Variants in DCST1 observed in about 807,000 individuals in gnomAD.
The protein encoded by DCST1 is DC-STAMP domain containing 1.
Under a neutral mutation model 89.1 loss-of-function variants are expected in DCST1, and 78 were observed. The observed-to-expected ratio is 0.88, with a 90% CI of 0.73 to 1.06. The LOEUF (loss-of-function observed/expected upper bound fraction) is 1.06. Ranked by LOEUF, DCST1 falls within the 50% of genes least tolerant of loss-of-function variation. The pLI, the probability that DCST1 is intolerant of heterozygous loss-of-function variation, is 0.00. For missense variants in DCST1, 900 were observed against 928.6 expected, an observed-to-expected ratio of 0.97 and a Z score of 0.40; for synonymous variants, 364 against 371.9, an observed-to-expected ratio of 0.98 and a Z score of 0.24.
At chr1:155,050,160 G>A (rs1660850544) in intron 16 of DCST1, among the ~76,000 whole-genome samples, 2 of 152,244 alleles carry the variant, frequency 1.3e-5, no homozygotes, top group South Asian at 4.1e-4. Flanking sequence ...GAGACATGTC[G>A]TGAGGGATGG....
chr1:155,047,296 G>A lies in DCST1; in HGVS notation c.1596G>A (p.Met532Ile), dbSNP rs1660682456. The A allele has an allele frequency of 6.2e-7, 1 of 1,613,422 alleles. No individual in the cohort carries two copies. Among genetic ancestry groups the A allele is most frequent in the South Asian group, 1.1e-5 (1 of 91,072 alleles). ...GALNTSSETV[M>I]ESNNMPCLPQ... is the part of the protein sequence containing the mutation. ...TGAACACCTCCTCAGAGACAGTGAT[G>A]GAATCAAACAACATGCGTGAGTGAT... The change falls in exon 14 of 17, where the codon ATG becomes ATA. Residue 532 changes from methionine to isoleucine, a missense_variant. Transcript: ENST00000295542.
chr1:155,050,535 G>A (rs1660886911), intron 16 of DCST1, 82 bp from the exon 17 acceptor site: 2 of 1,453,680 alleles, frequency 1.4e-6, no homozygotes, highest in Non-Finnish European at 1.8e-6. Context: ...CAGGCCTGGC[G>A]ACTTCAGACA....
intron 10 of DCST1, 85 bp from the exon 11 acceptor site, chr1:155,045,808 G>T: frequency 8.5e-7 from 1 of 1,172,810 alleles, no homozygotes; most frequent in South Asian, 1.3e-5. Flanking sequence ...TTGGTTGAAT[G>T]ACTGTGCCTC....
rs533405952 is a variant in DCST1, at chr1:155,037,782, A to G, written c.263-1621A>G. Among the ~76,000 whole-genome samples, 12 of 152,282 alleles carry G rather than the reference A, an allele frequency of 7.9e-5. No homozygotes were observed. In the South Asian group the frequency reaches 2.5e-3, roughly 32 times the overall value. On this transcript the variant is annotated intron_variant, in intron 4 of 16. Coordinates refer to ENST00000295542, the MANE Select transcript of DCST1 (RefSeq NM_152494.4). ...ATAGATGGGGTGGGATAGAGGAGTG[A>G]GAGTCAAGTTTTGCTGTTTTGGTGA...
Position 155,043,396 on chromosome 1 carries a change from G to A in DCST1, c.1059G>A (p.Glu353=). 6.2e-7 allele frequency: 1 copy of A among 1,614,054 alleles called. No individual in the cohort carries two copies. The highest frequency in any genetic ancestry group is 8.5e-7 in the Non-Finnish European group (1 of 1,179,970). The change falls in exon 10 of 17, where the codon GAG becomes GAA. Residue 353 remains glutamate, a synonymous_variant. Transcript: ENST00000295542. ...AGVLGLNTSW[E]RVSTEVRDYV... is the part of the protein sequence containing the mutation. The stretch of plus-strand genomic sequence containing the variant: ...TGCTGGGGCTCAACACAAGCTGGGA[G>A]CGCGTGAGCACCGAGGTGCGGGACT...
At position 155,048,167 on chromosome 1, in the gene DCST1, T is replaced by C; in HGVS notation, c.1866T>C (p.Ala622=). 6.2e-7 allele frequency: 1 copy of C among 1,613,422 alleles called. No homozygotes were observed. The highest frequency in any genetic ancestry group is 8.5e-7 in the Non-Finnish European group (1 of 1,179,776). The change falls in exon 16 of 17, where the codon GCT becomes GCC. Residue 622 remains alanine, a synonymous_variant. Coordinates refer to ENST00000295542, the MANE Select transcript of DCST1 (RefSeq NM_152494.4). ...AILRRERQQK[A]PRHPLADILH... ...TGAGGCGGGAGCGACAGCAGAAGGC[T>C]CCGGTAAGTCCAGGCGTAAGTGCTG... is the stretch of plus-strand genomic sequence containing the variant.
In DCST1 at chr1:155,048,080, C is replaced by A; in HGVS notation, c.1779C>A (p.Phe593Leu). Residue 593 changes from phenylalanine to leucine, a missense_variant, in exon 16 of 17, where the codon TTC (phenylalanine) becomes TTA (leucine). Phe to Leu is a conservative substitution (Grantham distance 22). Coordinates refer to ENST00000295542, the MANE Select transcript of DCST1 (RefSeq NM_152494.4). ...AGCGAGAGAAGAAGCGGATCCTGTTCCTCTACAATGACCTATTGAAGAAAA... is the reference window on the plus strand; with the variant it reads ...AGCGAGAGAAGAAGCGGATCCTGTTACTCTACAATGACCTATTGAAGAAAA... The part of the protein sequence containing the change: ...FPKREKKRIL[F>L]LYNDLLKKRA... 1 of 1,613,974 alleles carries A rather than the reference C, an allele frequency of 6.2e-7. No individual in the cohort carries two copies. The highest frequency in any genetic ancestry group is 1.6e-4 in the Middle Eastern group (1 of 6,062).
At chr1:155,046,591 C>G (rs1446560226) in intron 13 of DCST1, 105 bp downstream of exon 13, 18 of 868,066 alleles carry the variant, frequency 2.1e-5, no homozygotes, top group Non-Finnish European at 2.8e-5. Flanking sequence ...GTGCCTCGTC[C>G]TTCTGCCTCT....
At chr1:155,048,297 C>A in intron 16 of DCST1, 127 bp downstream of exon 16, 1 of 748,640 alleles carries the variant, frequency 1.3e-6, no homozygotes, top group Non-Finnish European at 2.2e-6. Context: ...CTGGTAAGTT[C>A]TTTTTATTTT....
chr1:155,044,564 C>G (rs539431034), intron 10 of DCST1, among the ~76,000 whole-genome samples: 1 of 150,444 alleles, frequency 6.6e-6, no homozygotes, highest in Non-Finnish European at 1.5e-5. Flanking sequence ...AAGGGCCATT[C>G]TATGGATTGG....
chr1:155,050,121 G>A (rs924251054), intron 16 of DCST1, among the ~76,000 whole-genome samples: 1 of 152,240 alleles, frequency 6.6e-6, no homozygotes, highest in Non-Finnish European at 1.5e-5. Flanking sequence ...GGGTAAGGTG[G>A]CCTGTGGAAA....
At chr1:155,037,055 G>A (rs938491194) in intron 4 of DCST1, among the ~76,000 whole-genome samples, 1 of 151,420 alleles carries the variant, frequency 6.6e-6, no homozygotes, top group African/African-American at 2.4e-5. Flanking sequence ...AGCCACCAAC[G>A]CCCCATCAAA....
rs369584482 is a variant in DCST1 at position 155,050,704 on chromosome 1, G to A, written c.1957G>A (p.Glu653Lys). The change falls in exon 17 of 17, where the codon GAG (glutamate) becomes AAG (lysine). Residue 653 changes from glutamate (E) to lysine (K), a missense_variant. Glu to Lys is a moderately conservative substitution (Grantham distance 56, BLOSUM62 1). Transcript: ENST00000295542. ...CRRCVVCQAP[E>K]TPESYVCRTL... ...GCGCTGCGTGGTGTGCCAGGCACCCGAGACGCCCGAGTCCTACGTGTGCCG... is the reference window on the plus strand; with the variant it reads ...GCGCTGCGTGGTGTGCCAGGCACCCAAGACGCCCGAGTCCTACGTGTGCCG... 132 of 1,607,090 alleles carry A rather than the reference G, an allele frequency of 8.2e-5. 2 individuals carry two copies. The South Asian group carries it at 1.2e-3, about 14-fold the overall frequency.
intron 4 of DCST1, among the ~76,000 whole-genome samples, chr1:155,036,801 T>C (rs1332606572): frequency 6.6e-6 from 1 of 152,226 alleles, no homozygotes; most frequent in Admixed American, 6.5e-5. Flanking sequence ...CAGAGGGCAG[T>C]TCTTTTTGGC....
At position 155,042,685 on chromosome 1, in the gene DCST1, C is replaced by A. The variant is rs777621696; in HGVS notation, c.893-50C>A. 1.9e-6 allele frequency: 3 copies of A among 1,612,216 alleles called. No individual in the cohort carries two copies. In the East Asian group the frequency reaches 6.7e-5, roughly 36 times the overall value. ...GGAGGACAGGCAGGCCAGGCCTGCA[C>A]CTGGAGGACAGGCCCGGGGAGGCCC... is the stretch of plus-strand genomic sequence containing the variant. On this transcript the variant is annotated intron_variant, in intron 8 of 16. Transcript: ENST00000295542.
At chr1:155,037,045 AG>A (rs1660298736) in intron 4 of DCST1, among the ~76,000 whole-genome samples, 1 of 35,668 alleles carries the variant, frequency 2.8e-5, no homozygotes, top group Non-Finnish European at 4.5e-5. Flanking sequence ...TACAGGCGTG[AG>A]CCACCAACGC....
chr1:155,037,042 G>A (rs999446238), intron 4 of DCST1, among the ~76,000 whole-genome samples: 2 of 37,248 alleles, frequency 5.4e-5, no homozygotes, highest in African/African-American at 3.3e-4. Flanking sequence ...GATTACAGGC[G>A]TGAGCCACCA....
At position 155,034,710 on chromosome 1, in the gene DCST1, T is replaced by A; in HGVS notation, c.245T>A (p.Phe82Tyr). The A allele has an allele frequency of 1.9e-6, 3 of 1,614,194 alleles. No homozygotes were observed. Among genetic ancestry groups the A allele is most frequent in the Non-Finnish European group, 2.5e-6 (3 of 1,180,032 alleles). The change falls in exon 4 of 17, where the codon TTC becomes TAC. Residue 82 changes from phenylalanine to tyrosine, a missense_variant. Coordinates refer to ENST00000295542, the MANE Select transcript of DCST1 (RefSeq NM_152494.4). Reference protein sequence around the residue: ...MNIYEEQKIMFLYSLVGLGAM... With the variant: ...MNIYEEQKIMYLYSLVGLGAM... ...ATCTACGAAGAACAGAAGATTATGT[T>A]CTTGTACAGCTTGGTGGGTTAGTGC... is the stretch of plus-strand genomic sequence containing the variant.
chr1:155,034,604 C>T, intron 3 of DCST1, 44 bp downstream of exon 3: 1 of 1,613,994 alleles, frequency 6.2e-7, no homozygotes, highest in Admixed American at 1.7e-5. Context: ...GAGGCTGGAC[C>T]AGGGCTAGGA....
Sources: allele counts gnomAD v4.1 joint callset (sites outside exome capture counted in the v4.1 genomes callset), GRCh38; gene constraint gnomAD v4.1.1; transcripts MANE v1.5; gene names NCBI Gene and HGNC (gene_info 2026-07-23, HGNC 2026-07-21).